IPCEF1: variants seen among roughly 807,000 people sequenced by gnomAD.
The protein encoded by IPCEF1 is interaction protein for cytohesin exchange factors 1.
A neutral mutation model predicts 50.9 loss-of-function variants in IPCEF1; 31 were observed. The observed-to-expected ratio is 0.61, with a 90% CI of 0.46 to 0.82. The LOEUF (loss-of-function observed/expected upper bound fraction) is 0.82. IPCEF1 is among the 40% of genes least tolerant of loss of function. The pLI, the probability that IPCEF1 is intolerant of heterozygous loss-of-function variation, is 0.00. For synonymous variants in IPCEF1, 181 were observed against 192.0 expected, an observed-to-expected ratio of 0.94 and a Z score of 0.47; for missense variants, 458 against 514.0, an observed-to-expected ratio of 0.89 and a Z score of 1.05.
intron 2 of IPCEF1, among the ~76,000 whole-genome samples, chr6:154,273,708 CTTTCTT>C (rs1781959482): frequency 9.2e-5 from 5 of 54,070 alleles, no homozygotes; most frequent in African/African-American, 2.6e-4. Flanking sequence ...TTCTTTTTTT[CTTTCTT>C]TCTTTCTTTC....
chr6:154,272,111 TG>T (rs1272146016), intron 2 of IPCEF1, among the ~76,000 whole-genome samples: 16 of 152,230 alleles, frequency 1.1e-4, no homozygotes, highest in African/African-American at 3.4e-4. Flanking sequence ...GACTAGCAAA[TG>T]CCTCCTCTTT....
intron 1 of IPCEF1, among the ~76,000 whole-genome samples, chr6:154,303,846 G>T (rs1231265152): frequency 1.3e-5 from 2 of 152,132 alleles, no homozygotes; most frequent in Admixed American, 1.3e-4. Flanking sequence ...GCTTGAGCCC[G>T]GGAGGTCAAG....
At position 154,339,735 on chromosome 6, in the gene IPCEF1, G is replaced by A. The variant is rs6911200; in HGVS notation, c.-62+16937C>T. ...CTCCCCAGTAGCTGGGACTACAAGC[G>A]CACACCACCACCACATCCAGCTAAT... On this transcript the variant is annotated intron_variant, in intron 1 of 11. Transcript: ENST00000367220. Among the ~76,000 whole-genome samples the A allele has an allele frequency of 2.1e-3, 314 of 151,990 alleles. 3 individuals carry two copies. Among genetic ancestry groups the A allele is most frequent in the African/African-American group, 7.0e-3 (291 of 41,472 alleles).
intron 10 of IPCEF1, among the ~76,000 whole-genome samples, chr6:154,178,253 C>T (rs1411237005): frequency 5.3e-5 from 8 of 151,888 alleles, no homozygotes; most frequent in South Asian, 4.2e-4. Context: ...CAAACCTGCA[C>T]GTTGTGCACA....
At chr6:154,293,546 C>T (rs1227171500) in intron 1 of IPCEF1, among the ~76,000 whole-genome samples, 2 of 152,184 alleles carry the variant, frequency 1.3e-5, no homozygotes, top group Non-Finnish European at 2.9e-5. Context: ...CAATTAGAGC[C>T]ATTTAAAATG....
chr6:154,337,534 T>A (rs74513203), intron 1 of IPCEF1, among the ~76,000 whole-genome samples: 1 of 152,158 alleles, frequency 6.6e-6, no homozygotes, highest in Admixed American at 6.5e-5. Flanking sequence ...AAGACACAAG[T>A]TACAGGGTAG....
chr6:154,221,412 G>T, intron 6 of IPCEF1, 84 bp from the exon 7 acceptor site: 1 of 1,047,386 alleles, frequency 9.5e-7, no homozygotes, highest in Non-Finnish European at 1.4e-6. Context: ...TAAAATACAA[G>T]CTTTGTAAAC....
chr6:154,269,632 G>A (rs1286255138), intron 2 of IPCEF1, among the ~76,000 whole-genome samples: 2 of 152,020 alleles, frequency 1.3e-5, no homozygotes, highest in Non-Finnish European at 2.9e-5. Context: ...AACCATGCCT[G>A]GCCAGTACTT....
At chr6:154,222,198 T>C (rs1490896125) in intron 6 of IPCEF1, among the ~76,000 whole-genome samples, 6 of 152,322 alleles carry the variant, frequency 3.9e-5, no homozygotes, top group Non-Finnish European at 5.9e-5. Flanking sequence ...ACATTGAAGA[T>C]AACAAATGAG....
chr6:154,324,531 G>C (rs767747675), intron 1 of IPCEF1, among the ~76,000 whole-genome samples: 21 of 152,298 alleles, frequency 1.4e-4, no homozygotes, highest in South Asian at 2.1e-4. Flanking sequence ...TACAAGACCA[G>C]GTGCAGTGGC....
In IPCEF1 at chr6:154,158,053, T is replaced by G. The variant is rs1010296770; in HGVS notation, c.*1775A>C. The G allele has an allele frequency of 7.9e-5, 12 of 152,366 alleles. No individual in the cohort carries two copies. Among genetic ancestry groups the G allele is most frequent in the African/African-American group, 2.4e-4 (10 of 41,580 alleles). 9.4% of individuals were successfully genotyped at this position (152,366 alleles called of 1,614,324 possible). On this transcript the variant is annotated 3_prime_UTR_variant, in exon 12 of 12. Transcript: ENST00000367220. ...TTCTAGCAGTACAACTTGCTTCTTG[T>G]TTTTTGTTTTTATTTCTTAATGCTA...
intron 1 of IPCEF1, among the ~76,000 whole-genome samples, chr6:154,322,144 C>A (rs183547464): frequency 6.6e-6 from 1 of 151,878 alleles, no homozygotes; most frequent in Non-Finnish European, 1.5e-5. Context: ...ACTTCGAAAA[C>A]ATTTACGATT....
intron 7 of IPCEF1, among the ~76,000 whole-genome samples, chr6:154,218,499 C>G (rs892142922): frequency 6.6e-6 from 1 of 152,120 alleles, no homozygotes; most frequent in Non-Finnish European, 1.5e-5. Flanking sequence ...AACAAGGACT[C>G]ATCACTGCAA....
intron 5 of IPCEF1, among the ~76,000 whole-genome samples, chr6:154,244,301 GGTGTGTGT>G (rs10674508): frequency 1.0e-4 from 15 of 147,960 alleles, no homozygotes; most frequent in African/African-American, 3.0e-4. Flanking sequence ...TGTGTGGGTG[GGTGTGTGT>G]GTGTGTGTGT....
chr6:154,311,815 GA>G (rs1293839567), intron 1 of IPCEF1, among the ~76,000 whole-genome samples: 1 of 152,156 alleles, frequency 6.6e-6, no homozygotes, highest in Non-Finnish European at 1.5e-5. Flanking sequence ...AAGATGCGTA[GA>G]AAAGGGAACT....
At chr6:154,238,785 A>G (rs547854276) in intron 5 of IPCEF1, among the ~76,000 whole-genome samples, 13 of 152,148 alleles carry the variant, frequency 8.5e-5, no homozygotes, top group Admixed American at 8.5e-4. Context: ...GCCTCAAGTG[A>G]TCCTCCCATC....
At chr6:154,205,941 T>G (rs573710082) in intron 9 of IPCEF1, among the ~76,000 whole-genome samples, 1 of 152,206 alleles carries the variant, frequency 6.6e-6, no homozygotes, top group South Asian at 2.1e-4. Context: ...TACCTGGCTA[T>G]GCTGCAGCCT....
At chr6:154,173,045 A>T (rs1423618716) in intron 10 of IPCEF1, among the ~76,000 whole-genome samples, 1 of 152,262 alleles carries the variant, frequency 6.6e-6, no homozygotes, top group Non-Finnish European at 1.5e-5. Flanking sequence ...GTGCACCTGC[A>T]GCAAACTCCA....
chr6:154,234,660 T>TA (rs1779977528), intron 5 of IPCEF1, among the ~76,000 whole-genome samples: 1 of 152,204 alleles, frequency 6.6e-6, no homozygotes, highest in South Asian at 2.1e-4. Context: ...CTATGCTTTG[T>TA]AAGTCACCTC....
Sources: gnomAD v4.1 joint callset for allele counts (sites outside exome capture counted in the v4.1 genomes callset) on GRCh38, gnomAD v4.1.1 for gene constraint, MANE v1.5 for transcripts, NCBI Gene and HGNC (gene_info 2026-07-23, HGNC 2026-07-21) for gene names.